CLASP2: variants seen among roughly 807,000 people sequenced by gnomAD.
The protein encoded by CLASP2 is CLIP-associating protein 2.
Under a neutral mutation model 194.4 loss-of-function variants are expected in CLASP2, and 47 were observed. The observed-to-expected ratio is 0.24, with a 90% CI of 0.19 to 0.31. The LOEUF (loss-of-function observed/expected upper bound fraction) is 0.31, where lower values mean the gene tolerates loss of function less well. Among genes scored for constraint, CLASP2 ranks in the 10% least tolerant of loss-of-function variants. CLASP2 has a pLI of 1.00. For missense variants in CLASP2, 1,445 were observed against 1,823.6 expected (o/e 0.79, Z 3.78); for synonymous variants, 619 against 633.5 (o/e 0.98, Z 0.34).
At chr3:33,670,800 A>G (rs2087021504) in intron 6 of CLASP2, among the ~76,000 whole-genome samples, 1 of 152,192 alleles carries the variant, frequency 6.6e-6, no homozygotes, top group Non-Finnish European at 1.5e-5. Flanking sequence ...GGGAGATCAC[A>G]CTTTTTGAGT....
At chr3:33,511,809 C>G (rs1378113799) in intron 36 of CLASP2, among the ~76,000 whole-genome samples, 1 of 77,424 alleles carries the variant, frequency 1.3e-5, no homozygotes. Context: ...TGAAGAAATG[C>G]TCATCATCAC....
At chr3:33,645,235 T>G in intron 7 of CLASP2, 1 of 765,122 alleles carries the variant, frequency 1.3e-6, no homozygotes, top group Non-Finnish European at 2.4e-6. Flanking sequence ...TAGTGTATCT[T>G]CTAGCACGCC....
intron 34 of CLASP2, among the ~76,000 whole-genome samples, chr3:33,529,901 C>T (rs778234220): frequency 7.0e-6 from 1 of 142,828 alleles, no homozygotes; most frequent in African/African-American, 2.5e-5. Context: ...TGGTGTGAAC[C>T]CGGGAGGCGG....
At chr3:33,708,177 T>C (rs1427557951) in intron 1 of CLASP2, among the ~76,000 whole-genome samples, 3 of 152,096 alleles carry the variant, frequency 2.0e-5, no homozygotes, top group Admixed American at 6.5e-5. Context: ...ACTCATCGTA[T>C]AACAGAAAGC....
At chr3:33,717,731 C>G in intron 1 of CLASP2, 77 bp downstream of exon 1, 1 of 1,474,352 alleles carries the variant, frequency 6.8e-7, no homozygotes. Context: ...GGAGCTTTCC[C>G]GGCCCGGCGC....
intron 12 of CLASP2, among the ~76,000 whole-genome samples, chr3:33,612,648 A>G (rs773319054): frequency 1.3e-5 from 2 of 152,200 alleles, no homozygotes; most frequent in Non-Finnish European, 2.9e-5. Flanking sequence ...TAAAAAGTTC[A>G]TAATAGACAT....
At chr3:33,525,744 C>G (rs1026422334) in intron 34 of CLASP2, among the ~76,000 whole-genome samples, 3 of 152,192 alleles carry the variant, frequency 2.0e-5, no homozygotes, top group Non-Finnish European at 4.4e-5. Context: ...GTAGCTACAG[C>G]TCCGGCAAAG....
At chr3:33,548,759 A>ATTTCTTT (rs2059547717) in intron 30 of CLASP2, among the ~76,000 whole-genome samples, 1 of 111,512 alleles carries the variant, frequency 9.0e-6, no homozygotes, top group Non-Finnish European at 1.9e-5. Flanking sequence ...CTACGGTTTC[A>ATTTCTTT]TTTCTTTTTT....
intron 1 of CLASP2, among the ~76,000 whole-genome samples, chr3:33,708,478 G>T (rs1487843046): frequency 4.3e-5 from 3 of 70,244 alleles, no homozygotes; most frequent in Non-Finnish European, 8.6e-5. Context: ...GTGGGTGTGT[G>T]TGTGTGTGTA....
At chr3:33,541,016 GC>G (rs2058262748) in intron 32 of CLASP2, among the ~76,000 whole-genome samples, 2 of 151,956 alleles carry the variant, frequency 1.3e-5, no homozygotes, top group Admixed American at 1.3e-4. Flanking sequence ...CAAGTGATCT[GC>G]CCACCTCTGC....
At chr3:33,547,264 T>C (rs971111314) in intron 30 of CLASP2, among the ~76,000 whole-genome samples, 3 of 152,190 alleles carry the variant, frequency 2.0e-5, no homozygotes, top group African/African-American at 4.8e-5. Flanking sequence ...ATAAGTCTCA[T>C]GAGATCTGAT....
intron 20 of CLASP2, 24 bp downstream of exon 20, chr3:33,594,927 A>T: frequency 7.6e-7 from 1 of 1,307,396 alleles, no homozygotes; most frequent in Non-Finnish European, 1.0e-6. Flanking sequence ...TATTTGTGTT[A>T]CTAACAAAAT....
chr3:33,523,020 A>G (rs1281134812), intron 34 of CLASP2, among the ~76,000 whole-genome samples: 1 of 152,148 alleles, frequency 6.6e-6, no homozygotes, highest in East Asian at 1.9e-4. Flanking sequence ...AGCTTGCAGT[A>G]AGCTGAGATC....
chr3:33,667,837 A>G (rs1478912209), intron 6 of CLASP2, among the ~76,000 whole-genome samples: 1 of 152,212 alleles, frequency 6.6e-6, no homozygotes, highest in Non-Finnish European at 1.5e-5. Context: ...CCATCGATCT[A>G]TATCTAGTGT....
chr3:33,509,033 A>G (rs1368437575), intron 37 of CLASP2, among the ~76,000 whole-genome samples: 1 of 152,168 alleles, frequency 6.6e-6, no homozygotes, highest in African/African-American at 2.4e-5. Flanking sequence ...GAAGACCACA[A>G]TCTGGGTGGT....
intron 2 of CLASP2, among the ~76,000 whole-genome samples, chr3:33,690,833 G>A (rs1260731285): frequency 6.6e-6 from 1 of 152,068 alleles, no homozygotes; most frequent in Non-Finnish European, 1.5e-5. Context: ...AGCTGTTTTG[G>A]TTATCAGATC....
At chr3:33,501,065 T>C (rs1182618308) in intron 38 of CLASP2, among the ~76,000 whole-genome samples, 1 of 152,186 alleles carries the variant, frequency 6.6e-6, no homozygotes, top group African/African-American at 2.4e-5. Flanking sequence ...GAATGAATTT[T>C]AAAGTACTGG....
chr3:33,668,205 C>T (rs1368182311), intron 6 of CLASP2, among the ~76,000 whole-genome samples: 2 of 152,204 alleles, frequency 1.3e-5, no homozygotes, highest in South Asian at 4.1e-4. Flanking sequence ...GGTGACAGTG[C>T]GAGACTCCAA....
chr3:33,516,200 C>A, intron 35 of CLASP2, 49 bp from the exon 36 acceptor site: 1 of 1,519,144 alleles, frequency 6.6e-7, no homozygotes, highest in South Asian at 1.3e-5. Context: ...TGTAGATAAT[C>A]TTTAACATTT....
Sources: gnomAD v4.1 joint callset for allele counts (sites outside exome capture counted in the v4.1 genomes callset) on GRCh38, gnomAD v4.1.1 for gene constraint, MANE v1.5 for transcripts, NCBI Gene and HGNC (gene_info 2026-07-23, HGNC 2026-07-21) for gene names.